Variants in ARHGAP22 observed in about 807,000 individuals in gnomAD.
The protein encoded by ARHGAP22 is Rho GTPase activating protein 22, also known as rho GTPase-activating protein 22.
ARHGAP22 carries 48 observed loss-of-function variants against 59.1 expected under a neutral mutation model. The observed-to-expected ratio is 0.81, with a 90% CI of 0.64 to 1.03. ARHGAP22 has a LOEUF of 1.03. Among genes scored for constraint, ARHGAP22 ranks in the 50% least tolerant of loss-of-function variants. The pLI, the probability that ARHGAP22 is intolerant of heterozygous loss-of-function variation, is 0.00. For synonymous variants in ARHGAP22, 445 were observed against 416.4 expected (o/e 1.07, Z -0.84); for missense variants, 1,015 against 958.7 (o/e 1.06, Z -0.78).
At chr10:48,526,216 TTAAA>T (rs1217722212) in intron 3 of ARHGAP22, among the ~76,000 whole-genome samples, 5 of 151,446 alleles carry the variant, frequency 3.3e-5, no homozygotes, top group African/African-American at 1.2e-4. Flanking sequence ...AGCAGAAGAG[TTAAA>T]TAAATGTGGG....
intron 3 of ARHGAP22, among the ~76,000 whole-genome samples, chr10:48,486,511 T>C (rs2049876352): frequency 6.6e-6 from 1 of 152,126 alleles, no homozygotes; most frequent in South Asian, 2.1e-4. Context: ...GGTTAATTTT[T>C]GTATTTTTAG....
At chr10:48,507,643 T>G (rs190722924) in intron 3 of ARHGAP22, among the ~76,000 whole-genome samples, 61 of 152,244 alleles carry the variant, frequency 4.0e-4, no homozygotes, top group African/African-American at 1.3e-3. Flanking sequence ...TCCCACAAAG[T>G]GGCACCTGTG....
chr10:48,627,249 A>G (rs1296663805), intron 1 of ARHGAP22, among the ~76,000 whole-genome samples: 1 of 152,196 alleles, frequency 6.6e-6, no homozygotes, highest in African/African-American at 2.4e-5. Context: ...CTAGTGAATT[A>G]TCAAACCTGA....
intron 1 of ARHGAP22, among the ~76,000 whole-genome samples, chr10:48,625,723 C>T (rs2061428017): frequency 6.6e-6 from 1 of 151,764 alleles, no homozygotes; most frequent in South Asian, 2.1e-4. Flanking sequence ...CACACACACA[C>T]ACACACACAC....
chr10:48,630,365 C>G (rs1174321747), intron 1 of ARHGAP22, among the ~76,000 whole-genome samples: 2 of 152,198 alleles, frequency 1.3e-5, no homozygotes. Flanking sequence ...GCTGGGATTA[C>G]AGGAATGAGC....
At chr10:48,541,320 CAT>C (rs1175082476) in intron 3 of ARHGAP22, among the ~76,000 whole-genome samples, 2 of 152,204 alleles carry the variant, frequency 1.3e-5, no homozygotes, top group African/African-American at 4.8e-5. Context: ...TGAGATCACT[CAT>C]AAAGAATTTT....
At chr10:48,646,534 G>C (rs891258737) in intron 1 of ARHGAP22, among the ~76,000 whole-genome samples, 3 of 152,196 alleles carry the variant, frequency 2.0e-5, no homozygotes, top group Non-Finnish European at 4.4e-5. Context: ...CCCAATATTT[G>C]TGGCTAGCTG....
intron 3 of ARHGAP22, among the ~76,000 whole-genome samples, chr10:48,490,511 T>C (rs2050282639): frequency 6.6e-6 from 1 of 152,168 alleles, no homozygotes; most frequent in African/African-American, 2.4e-5. Context: ...CTCTATTGCC[T>C]ATGAGTCTAA....
intron 3 of ARHGAP22, among the ~76,000 whole-genome samples, chr10:48,545,258 T>C (rs144949737): frequency 3.3e-5 from 5 of 152,344 alleles, no homozygotes; most frequent in Admixed American, 2.0e-4. Flanking sequence ...TACATCTCTA[T>C]AGAAGAGCGC....
chr10:48,598,900 G>A (rs891139638), intron 1 of ARHGAP22, among the ~76,000 whole-genome samples: 1 of 152,182 alleles, frequency 6.6e-6, no homozygotes, highest in African/African-American at 2.4e-5. Context: ...AAATGTGAAG[G>A]CACGCACTAT....
chr10:48,530,988 G>A (rs1196312514), intron 3 of ARHGAP22, among the ~76,000 whole-genome samples: 7 of 152,268 alleles, frequency 4.6e-5, no homozygotes, highest in East Asian at 3.9e-4. Context: ...TTATAGCAGC[G>A]CAATTCGCTA....
At chr10:48,649,625 C>T (rs545131158) in intron 1 of ARHGAP22, among the ~76,000 whole-genome samples, 1 of 152,264 alleles carries the variant, frequency 6.6e-6, no homozygotes, top group South Asian at 2.1e-4. Flanking sequence ...CCAGGCAGAC[C>T]AGTGGTCTGA....
intron 2 of ARHGAP22, among the ~76,000 whole-genome samples, chr10:48,566,164 A>T (rs10491042): frequency 6.6e-6 from 1 of 151,904 alleles, no homozygotes; most frequent in African/African-American, 2.4e-5. Flanking sequence ...TCTTTTTACC[A>T]AGTCTCCTGA....
intron 3 of ARHGAP22, among the ~76,000 whole-genome samples, chr10:48,527,577 G>A (rs560401667): frequency 7.8e-4 from 119 of 152,296 alleles, no homozygotes; most frequent in African/African-American, 2.8e-3. Flanking sequence ...TGAACAGAAG[G>A]AAGGATGATG....
At chr10:48,549,065 G>A (rs566143609) in intron 3 of ARHGAP22, among the ~76,000 whole-genome samples, 9 of 152,362 alleles carry the variant, frequency 5.9e-5, no homozygotes, top group African/African-American at 1.9e-4. Flanking sequence ...TAAACGTGGT[G>A]TGCTCAGCTT....
intron 1 of ARHGAP22, among the ~76,000 whole-genome samples, chr10:48,596,749 C>A (rs1332539225): frequency 6.6e-6 from 1 of 152,210 alleles, no homozygotes; most frequent in Non-Finnish European, 1.5e-5. Context: ...GTGTCTCTCT[C>A]GTGGCTCCTT....
chr10:48,481,405 T>A lies in ARHGAP22; in HGVS notation c.323-1641A>T, dbSNP rs561201892. Among the ~76,000 whole-genome samples the A allele has an allele frequency of 2.0e-4, 30 of 151,982 alleles. No individual in the cohort carries two copies. In the South Asian group the frequency reaches 6.0e-3, roughly 31 times the overall value. On this transcript the variant is annotated intron_variant, in intron 3 of 9. Transcript: ENST00000249601. Reference sequence around the variant, plus strand: ...TCCTAGAAAAATATCTCAAGATGACTTGGAAAAAAAAAAGGAACCTGGAGA... The same window carrying A: ...TCCTAGAAAAATATCTCAAGATGACATGGAAAAAAAAAAGGAACCTGGAGA...
intron 3 of ARHGAP22, among the ~76,000 whole-genome samples, chr10:48,551,804 T>C (rs956840813): frequency 6.6e-6 from 1 of 152,256 alleles, no homozygotes; most frequent in Non-Finnish European, 1.5e-5. Flanking sequence ...CAGAGGTGTA[T>C]GCTGTATCAA....
chr10:48,550,543 A>T (rs2056819651), intron 3 of ARHGAP22, among the ~76,000 whole-genome samples: 1 of 152,178 alleles, frequency 6.6e-6, no homozygotes, highest in South Asian at 2.1e-4. Context: ...CTGGACCAAC[A>T]CATCTCCCAG....
Sources: gnomAD v4.1 joint callset for allele counts (sites outside exome capture counted in the v4.1 genomes callset) on GRCh38, gnomAD v4.1.1 for gene constraint, MANE v1.5 for transcripts, NCBI Gene and HGNC (gene_info 2026-07-23, HGNC 2026-07-21) for gene names.